SNX30: variants seen among roughly 807,000 people sequenced by gnomAD.
The protein encoded by SNX30 is sorting nexin family member 30, also known as sorting nexin-30.
In SNX30, 24 loss-of-function variants were observed where a neutral mutation model predicts 46.4. The ratio of observed to expected loss-of-function variants is 0.52; its 90% CI spans 0.37 to 0.73. The LOEUF is 0.73. Among genes scored for constraint, SNX30 ranks in the 30% least tolerant of loss-of-function variants. The probability of loss-of-function intolerance (pLI) is 0.00; values close to 1 mark genes in which losing one functional copy is unlikely to be tolerated. For synonymous variants in SNX30, 189 were observed against 211.5 expected (o/e 0.89, Z 0.92); for missense variants, 533 against 555.7 (o/e 0.96, Z 0.41).
downstream of SNX30, chr9:112,877,712 A>T (rs1453796305): frequency 6.6e-6 from 1 of 150,716 alleles, no homozygotes; most frequent in African/African-American, 2.5e-5. Context: ...GTCTGCTATT[A>T]TTTTTTTACT....
intron 6 of SNX30, among the ~76,000 whole-genome samples, chr9:112,847,904 TA>T (rs1365932247): frequency 6.6e-6 from 1 of 152,210 alleles, no homozygotes; most frequent in African/African-American, 2.4e-5. Flanking sequence ...TCCTAATGCC[TA>T]GAGTTACCTA....
intron 1 of SNX30, among the ~76,000 whole-genome samples, chr9:112,769,413 A>G (rs1395054483): frequency 6.6e-6 from 1 of 152,158 alleles, no homozygotes; most frequent in Non-Finnish European, 1.5e-5. Context: ...CCACTTCCCC[A>G]AGAGCTTGAT....
At chr9:112,811,608 C>T (rs998235450) in intron 2 of SNX30, among the ~76,000 whole-genome samples, 9 of 152,276 alleles carry the variant, frequency 5.9e-5, no homozygotes, top group Admixed American at 3.9e-4. Context: ...GACGTATCCA[C>T]GTGGAGTGAT....
At chr9:112,785,247 A>G (rs1396458035) in intron 1 of SNX30, among the ~76,000 whole-genome samples, 2 of 151,798 alleles carry the variant, frequency 1.3e-5, no homozygotes, top group Non-Finnish European at 2.9e-5. Context: ...ACATGACCTC[A>G]CTCTGTCACC....
chr9:112,856,249 C>T (rs937251996), intron 7 of SNX30, among the ~76,000 whole-genome samples: 41 of 143,530 alleles, frequency 2.9e-4, no homozygotes, highest in Admixed American at 2.5e-3. Context: ...TGGGTGGTGT[C>T]GGAGTGCAGA....
At chr9:112,837,093 C>T (rs367809048) in intron 5 of SNX30, among the ~76,000 whole-genome samples, 3 of 152,308 alleles carry the variant, frequency 2.0e-5, no homozygotes, top group African/African-American at 7.2e-5. Context: ...GAGGATTCCC[C>T]AGCAGTTGCC....
At chr9:112,859,663 G>A (rs1841197059) in intron 7 of SNX30, among the ~76,000 whole-genome samples, 1 of 152,064 alleles carries the variant, frequency 6.6e-6, no homozygotes, top group African/African-American at 2.4e-5. Context: ...CCAGGCTAGA[G>A]TGCAGTGGCG....
At chr9:112,882,504 G>C (rs62577670), downstream of SNX30, among the ~76,000 whole-genome samples, 9,562 of 152,258 alleles carry the variant, frequency 0.063, 384 homozygotes, top group Non-Finnish European at 0.094. Flanking sequence ...ACCTTGCTCT[G>C]GCCACCTGCT....
intron 1 of SNX30, among the ~76,000 whole-genome samples, chr9:112,762,592 A>T (rs1839459540): frequency 6.6e-6 from 1 of 151,920 alleles, no homozygotes; most frequent in Non-Finnish European, 1.5e-5. Context: ...TAAAATTGGG[A>T]TTATCTTACA....
At chr9:112,762,345 C>T (rs1281930817) in intron 1 of SNX30, among the ~76,000 whole-genome samples, 1 of 152,044 alleles carries the variant, frequency 6.6e-6, no homozygotes, top group Non-Finnish European at 1.5e-5. Context: ...AGTGCAGGCG[C>T]TTTTCAAAAC....
chr9:112,882,179 T>C (rs1475254488), downstream of SNX30, among the ~76,000 whole-genome samples: 1 of 152,204 alleles, frequency 6.6e-6, no homozygotes, highest in African/African-American at 2.4e-5. Context: ...TGATCTTTGC[T>C]CATTGCAGCC....
intron 5 of SNX30, among the ~76,000 whole-genome samples, chr9:112,836,876 G>T (rs1840762565): frequency 6.6e-6 from 1 of 152,138 alleles, no homozygotes; most frequent in African/African-American, 2.4e-5. Context: ...CCCCACCGTG[G>T]TTCATTTTAA....
At chr9:112,842,671 A>G (rs1210104877) in intron 6 of SNX30, among the ~76,000 whole-genome samples, 1 of 152,208 alleles carries the variant, frequency 6.6e-6, no homozygotes, top group Non-Finnish European at 1.5e-5. Context: ...ACTACTTGCC[A>G]AGAGGCAAAC....
At chr9:112,854,395 C>G (rs954545354) in intron 7 of SNX30, among the ~76,000 whole-genome samples, 2 of 152,190 alleles carry the variant, frequency 1.3e-5, no homozygotes, top group Non-Finnish European at 2.9e-5. Flanking sequence ...CACTACTTAC[C>G]CACATGGCTC....
intron 3 of SNX30, among the ~76,000 whole-genome samples, chr9:112,818,289 A>G (rs770769544): frequency 6.3e-4 from 94 of 148,176 alleles, no homozygotes; most frequent in Non-Finnish European, 1.2e-3. Context: ...GCAACCTCCG[A>G]CTCCCAGGTT....
intron 1 of SNX30, among the ~76,000 whole-genome samples, chr9:112,795,595 G>A (rs917684462): frequency 7.2e-5 from 11 of 152,100 alleles, no homozygotes; most frequent in African/African-American, 2.7e-4. Flanking sequence ...CAACTGATTC[G>A]AGAACTAACT....
At chr9:112,765,691 C>T (rs1412624227) in intron 1 of SNX30, among the ~76,000 whole-genome samples, 2 of 152,156 alleles carry the variant, frequency 1.3e-5, no homozygotes, top group African/African-American at 4.8e-5. Context: ...TTAAGATGTA[C>T]AACATGTTTT....
chr9:112,756,274 T>G (rs1421336108), intron 1 of SNX30, among the ~76,000 whole-genome samples: 14 of 152,066 alleles, frequency 9.2e-5, no homozygotes, highest in Admixed American at 9.2e-4. Flanking sequence ...TTTGTCATTT[T>G]CCAACTTCAC....
intron 2 of SNX30, among the ~76,000 whole-genome samples, chr9:112,811,074 C>T (rs1454901448): frequency 1.3e-5 from 2 of 152,112 alleles, no homozygotes; most frequent in East Asian, 1.9e-4. Context: ...TTAACTATGG[C>T]GTGGGTCTTC....
Sources: gnomAD v4.1 joint callset for allele counts (sites outside exome capture counted in the v4.1 genomes callset) on GRCh38, gnomAD v4.1.1 for gene constraint, MANE v1.5 for transcripts, NCBI Gene and HGNC (gene_info 2026-07-23, HGNC 2026-07-21) for gene names.